HSPA12B: variants seen among roughly 807,000 people sequenced by gnomAD.
HSPA12B encodes the protein heat shock protein family A (Hsp70) member 12B, also known as heat shock 70 kDa protein 12B.
HSPA12B carries 54 observed loss-of-function variants against 69.3 expected under a neutral mutation model. The observed-to-expected ratio is 0.78, with a 90% CI of 0.63 to 0.98. HSPA12B has a LOEUF of 0.98. Ranked by LOEUF, HSPA12B falls within the 50% of genes least tolerant of loss-of-function variation. HSPA12B has a pLI of 0.00. For synonymous variants in HSPA12B, 441 were observed against 436.5 expected (o/e 1.01, Z -0.13); for missense variants, 929 against 999.8 (o/e 0.93, Z 0.96).
Position 3,752,022 on chromosome 20 carries a change from C to T in HSPA12B, c.1917C>T (p.Cys639=). ...ALSLELEPAD[C]GQDTAGAPPG... ...GCCTCGAGCTTGAGCCCGCCGACTGCGGCCAGGACACCGCCGGCGCGCCTC... is the reference window on the plus strand; with the variant it reads ...GCCTCGAGCTTGAGCCCGCCGACTGTGGCCAGGACACCGCCGGCGCGCCTC... The change falls in exon 13 of 13, where the codon TGC becomes TGT. Residue 639 remains cysteine (C), a synonymous_variant. Transcript: ENST00000254963. 2 of 1,559,716 alleles carry T rather than the reference C, an allele frequency of 1.3e-6. No homozygotes were observed. The highest frequency in any genetic ancestry group is 1.4e-5 in the African/African-American group (1 of 73,022).
chr20:3,752,409 G>A lies in HSPA12B; in HGVS notation c.*243G>A. 1 of 425,362 alleles carries A rather than the reference G, an allele frequency of 2.4e-6. No homozygotes were observed. Among genetic ancestry groups the A allele is most frequent in the Non-Finnish European group, 4.1e-6 (1 of 242,624 alleles). 26.3% of individuals were successfully genotyped at this position (425,362 alleles called of 1,614,324 possible). A position where few individuals can be genotyped will look rare whatever the true frequency, so the allele number is the denominator to read the frequency against. On this transcript the variant is annotated 3_prime_UTR_variant, in exon 13 of 13. Coordinates refer to ENST00000254963, the MANE Select transcript of HSPA12B (RefSeq NM_052970.5). ...GAAGGGACCCGCCAAGGACTGAACG[G>A]GTAAGAGAAGAGGTTTGCAAGACAG...
chr20:3,752,027 A>G lies in HSPA12B; in HGVS notation c.1922A>G (p.Gln641Arg). The change falls in exon 13 of 13, where the codon CAG becomes CGG. Residue 641 changes from glutamine (Q) to arginine (R), a missense_variant. Coordinates refer to ENST00000254963, the MANE Select transcript of HSPA12B (RefSeq NM_052970.5). ...SLELEPADCG[Q>R]DTAGAPPGRR... Reference sequence around the variant, plus strand: ...GAGCTTGAGCCCGCCGACTGCGGCCAGGACACCGCCGGCGCGCCTCCCGGC... The same window carrying G: ...GAGCTTGAGCCCGCCGACTGCGGCCGGGACACCGCCGGCGCGCCTCCCGGC... The G allele has an allele frequency of 6.4e-7, 1 of 1,559,908 alleles. No homozygotes were observed. Among genetic ancestry groups the G allele is most frequent in the Non-Finnish European group, 8.6e-7 (1 of 1,158,166 alleles).
At chr20:3,750,775 T>G (rs1210037285) in intron 11 of HSPA12B, 29 bp from the exon 12 acceptor site, 1 of 1,613,280 alleles carries the variant, frequency 6.2e-7, no homozygotes, top group Non-Finnish European at 8.5e-7. Context: ...CCCTGACCGA[T>G]GGATATTTGC....
intron 7 of HSPA12B, among the ~76,000 whole-genome samples, chr20:3,746,538 G>A (rs1453391855): frequency 6.6e-6 from 1 of 152,020 alleles, no homozygotes; most frequent in South Asian, 2.1e-4. Flanking sequence ...TCCTGACCTT[G>A]TGATCCGCCC....
intron 12 of HSPA12B, 142 bp downstream of exon 12, chr20:3,751,049 GA>G (rs1426548314): frequency 8.9e-6 from 8 of 898,504 alleles, no homozygotes; most frequent in Non-Finnish European, 1.2e-5. Flanking sequence ...CCTGCGGGAT[GA>G]AGTGCAGTGG....
Position 3,751,786 on chromosome 20 carries a change from C to T in HSPA12B, c.1681C>T (p.Leu561=). The T allele has an allele frequency of 6.5e-7, 1 of 1,527,990 alleles. No homozygotes were observed. 94.7% of individuals were successfully genotyped at this position (1,527,990 alleles called of 1,614,324 possible). A position where few individuals can be genotyped will look rare whatever the true frequency, so the allele number is the denominator to read the frequency against. The stretch of plus-strand genomic sequence containing the variant: ...GCCTGGGCGCCACCCGCCCGAAAAG[C>T]TGCTGGTTCGCGACGGCCGCCGCTG... ...FVPGRHPPEK[L]LVRDGRRWCT... is the part of the protein sequence containing the mutation. Residue 561 remains leucine (L), a synonymous_variant, in exon 13 of 13, where the codon CTG becomes TTG. Transcript: ENST00000254963.
Position 3,749,810 on chromosome 20 carries a change from T to C in HSPA12B, c.998T>C (p.Leu333Pro). 3 of 1,608,832 alleles carry C rather than the reference T, an allele frequency of 1.9e-6. No homozygotes were observed. Among genetic ancestry groups the C allele is most frequent in the Non-Finnish European group, 2.5e-6 (3 of 1,178,590 alleles). ...GGTVDLTVHQ[L>P]EQPHGTLKEL... The stretch of plus-strand genomic sequence containing the variant: ...ACCGTGGACCTGACGGTGCACCAGC[T>C]GGAGCAGCCCCATGGCACCCTCAAG... Residue 333 changes from leucine to proline, a missense_variant, in exon 10 of 13, where the codon CTG becomes CCG. Transcript: ENST00000254963. This position sits in a 1 kb window ranked among gnomAD's most constrained non-coding sequence, Gnocchi z 5.5.
chr20:3,744,190 T>C lies in HSPA12B; in HGVS notation c.267-712T>C, dbSNP rs942578248. 1.4e-4 allele frequency among the ~76,000 whole-genome samples: 21 copies of C among 152,140 alleles called. No individual in the cohort carries two copies. Among genetic ancestry groups the C allele is most frequent in the African/African-American group, 4.8e-4 (20 of 41,440 alleles). ...CTGGATGGAAGGGTGAATGGAGACA[T>C]AGACAGACAGGTAACTGCTCCCAAA... is the stretch of plus-strand genomic sequence containing the variant. On this transcript the variant is annotated intron_variant, in intron 4 of 12. Transcript: ENST00000254963. The surrounding 1 kb of genome is among the most constrained non-coding windows in gnomAD (Gnocchi z 4.9).
At position 3,744,961 on chromosome 20, in the gene HSPA12B, T is replaced by C; in HGVS notation, c.326T>C (p.Leu109Pro). Reference protein sequence around the residue: ...AHQKTPTCLLLTPEGAFHSFG... With the variant: ...AHQKTPTCLLPTPEGAFHSFG... ...CAGAAGACCCCGACCTGCCTGCTGCTGACTCCGGAGGGCGCCTTCCACAGC... is the reference window on the plus strand; with the variant it reads ...CAGAAGACCCCGACCTGCCTGCTGCCGACTCCGGAGGGCGCCTTCCACAGC... The change falls in exon 5 of 13, where the codon CTG becomes CCG. Residue 109 changes from leucine to proline, a missense_variant. By Grantham distance (98) the Leu-to-Pro change is moderately conservative (BLOSUM62 -3). Coordinates refer to ENST00000254963, the MANE Select transcript of HSPA12B (RefSeq NM_052970.5). This position sits in a 1 kb window ranked among gnomAD's most constrained non-coding sequence, Gnocchi z 4.9. 6.2e-7 allele frequency: 1 copy of C among 1,613,952 alleles called. No homozygotes were observed.
Position 3,741,524 on chromosome 20 carries a change from T to C in HSPA12B, c.141+612T>C, listed in dbSNP as rs558821277. Reference sequence around the variant, plus strand: ...GGTGCACACCTGTAATCCCAGCTACTCGGGAGGCTGAGGGTGGAGAATTGC... The same window carrying C: ...GGTGCACACCTGTAATCCCAGCTACCCGGGAGGCTGAGGGTGGAGAATTGC... On this transcript the variant is annotated intron_variant, in intron 3 of 12. Transcript: ENST00000254963. Among the ~76,000 whole-genome samples, 3 of 152,214 alleles carry C rather than the reference T, an allele frequency of 2.0e-5. 1 individual carries two copies. Among genetic ancestry groups the C allele is most frequent in the African/African-American group, 7.2e-5 (3 of 41,516 alleles).
intron 7 of HSPA12B, 92 bp downstream of exon 7, chr20:3,746,123 A>T (rs1356643620): frequency 2.3e-6 from 2 of 887,534 alleles, no homozygotes; most frequent in African/African-American, 3.3e-5. Context: ...TTGAGACCAC[A>T]GAGTCATTGT....
rs1488435060 is a variant in HSPA12B at position 3,749,330 on chromosome 20, G to A, written c.937+12G>A. 3 of 1,610,356 alleles carry A rather than the reference G, an allele frequency of 1.9e-6. No individual in the cohort carries two copies. Among genetic ancestry groups the A allele is most frequent in the East Asian group, 2.2e-5 (1 of 44,780 alleles). On this transcript the variant is annotated intron_variant, in intron 9 of 12. Coordinates refer to ENST00000254963, the MANE Select transcript of HSPA12B (RefSeq NM_052970.5). The surrounding 1 kb of genome is among the most constrained non-coding windows in gnomAD (Gnocchi z 5.5). ...AGAGATGCAAGCAGGTAGGGGGAAA[G>A]GGGGACGGAGTGTTATCCTTGGCCC...
chr20:3,745,842 C>T lies in HSPA12B; in HGVS notation c.559-73C>T, dbSNP rs199892199. On this transcript the variant is annotated intron_variant, in intron 6 of 12. Coordinates refer to ENST00000254963, the MANE Select transcript of HSPA12B (RefSeq NM_052970.5). This position sits in a 1 kb window ranked among gnomAD's most constrained non-coding sequence, Gnocchi z 5.6. ...CCTTCCTGTGATTTGATTAGTACCT[C>T]CAGTTCCGCAGAGGGCTGAAGACCA... The T allele has an allele frequency of 3.7e-4, 483 of 1,305,140 alleles. No homozygotes were observed. Among genetic ancestry groups the T allele is most frequent in the Non-Finnish European group, 5.0e-4 (447 of 898,344 alleles). 80.8% of individuals were successfully genotyped at this position (1,305,140 alleles called of 1,614,324 possible). A position where few individuals can be genotyped will look rare whatever the true frequency, so the allele number is the denominator to read the frequency against.
rs1600321040 is a variant in HSPA12B at position 3,745,283 on chromosome 20, G to A, written c.453+195G>A. Among the ~76,000 whole-genome samples the A allele has an allele frequency of 6.6e-6, 1 of 151,552 alleles. No individual in the cohort carries two copies. The highest frequency in any genetic ancestry group is 3.2e-3 in the Middle Eastern group (1 of 316). ...GAAATGAGGTGGAGGCGGGGCTAAT[G>A]TGGGTGGGGCTAATAGTGAAGCTGG... On this transcript the variant is annotated intron_variant, in intron 5 of 12. Transcript: ENST00000254963. The surrounding 1 kb of genome is among the most constrained non-coding windows in gnomAD (Gnocchi z 5.6).
chr20:3,746,098 T>G, intron 7 of HSPA12B, 67 bp downstream of exon 7: 1 of 1,141,520 alleles, frequency 8.8e-7, no homozygotes, highest in African/African-American at 1.5e-5. Flanking sequence ...CATGCTTGCA[T>G]GCACCCCACC....
At position 3,749,709 on chromosome 20, in the gene HSPA12B, C is replaced by T. The variant is rs1230158482; in HGVS notation, c.938-41C>T. On this transcript the variant is annotated intron_variant, in intron 9 of 12. Coordinates refer to ENST00000254963, the MANE Select transcript of HSPA12B (RefSeq NM_052970.5). The surrounding 1 kb of genome is among the most constrained non-coding windows in gnomAD (Gnocchi z 5.5). ...TGGAGGGGGCGCAGGGCTGAGGGTGCGAGGCCGCCCACGAGTGTGTGCCCG... is the reference window on the plus strand; with the variant it reads ...TGGAGGGGGCGCAGGGCTGAGGGTGTGAGGCCGCCCACGAGTGTGTGCCCG... The T allele has an allele frequency of 2.1e-6, 3 of 1,425,922 alleles. No individual in the cohort carries two copies. The highest frequency in any genetic ancestry group is 2.5e-5 in the East Asian group (1 of 40,704). The allele number at this position is 1,425,922 out of a possible 1,614,324, so 88.3% of individuals were successfully genotyped here.
In HSPA12B at chr20:3,745,008, T is replaced by C; in HGVS notation, c.373T>C (p.Tyr125His). 1 of 1,614,038 alleles carries C rather than the reference T, an allele frequency of 6.2e-7. No homozygotes were observed. Among genetic ancestry groups the C allele is most frequent in the South Asian group, 1.1e-5 (1 of 91,082 alleles). Residue 125 changes from tyrosine to histidine, a missense_variant, in exon 5 of 13, where the codon TAC becomes CAC. This residue lies in a region of HSPA12B where 477 missense variants were observed against 535.2 expected (regional missense o/e 0.89). Transcript: ENST00000254963. The surrounding 1 kb of genome is among the most constrained non-coding windows in gnomAD (Gnocchi z 5.6). ...FHSFGYTARD[Y>H]YHDLDPEEAR... ...CAGCTTTGGCTACACCGCCCGCGAT[T>C]ACTACCATGACCTGGACCCCGAAGA...
rs1218513204 is a variant in HSPA12B at position 3,744,833 on chromosome 20, T to C, written c.267-69T>C. 2 of 1,477,176 alleles carry C rather than the reference T, an allele frequency of 1.4e-6. No individual in the cohort carries two copies. The highest frequency in any genetic ancestry group is 1.9e-6 in the Non-Finnish European group (2 of 1,078,804). 91.5% of individuals were successfully genotyped at this position (1,477,176 alleles called of 1,614,324 possible). A position where few individuals can be genotyped will look rare whatever the true frequency, so the allele number is the denominator to read the frequency against. On this transcript the variant is annotated intron_variant, in intron 4 of 12. Transcript: ENST00000254963. The surrounding 1 kb of genome is among the most constrained non-coding windows in gnomAD (Gnocchi z 4.9). ...TTTCACATCTGTAAGTTTTTGCACA[T>C]GCTGTTCCCTCTGCCTGGATTCCCA...
rs116757149 is a variant in HSPA12B, at chr20:3,744,716, T to C, written c.267-186T>C. Among the ~76,000 whole-genome samples, 927 of 152,372 alleles carry C rather than the reference T, an allele frequency of 6.1e-3. 12 individuals are homozygous for C. The highest frequency in any genetic ancestry group is 0.021 in the African/African-American group (891 of 41,582). On this transcript the variant is annotated intron_variant, in intron 4 of 12. Transcript: ENST00000254963. This position sits in a 1 kb window ranked among gnomAD's most constrained non-coding sequence, Gnocchi z 4.9. ...AAATCCACGAAGACAGAATTCTGAA[T>C]GGCCTTCTGTGCTCTTCATGATCTC...
Sources: allele counts gnomAD v4.1 joint callset (sites outside exome capture counted in the v4.1 genomes callset), GRCh38; gene constraint gnomAD v4.1.1; regional missense constraint gnomAD v4.1.1; non-coding constraint Gnocchi (gnomAD v3.1); transcripts MANE v1.5; gene names NCBI Gene and HGNC (gene_info 2026-07-23, HGNC 2026-07-21).